TXK: variants seen among roughly 807,000 people sequenced by gnomAD.
The protein encoded by TXK is TXK tyrosine kinase, also known as tyrosine-protein kinase TXK.
TXK carries 60 observed loss-of-function variants against 81.0 expected under a neutral mutation model. The ratio of observed to expected loss-of-function variants is 0.74; its 90% confidence interval spans 0.60 to 0.92. The LOEUF (loss-of-function observed/expected upper bound fraction) is 0.92, where lower values mean the gene tolerates loss of function less well. TXK is among the 40% of genes least tolerant of loss of function. The pLI is 0.00. For missense variants in TXK, 581 were observed against 638.3 expected (o/e 0.91, Z 0.97); for synonymous variants, 203 against 210.7 (o/e 0.96, Z 0.32).
At chr4:48,103,100 C>T (rs528254616) in intron 6 of TXK, among the ~76,000 whole-genome samples, 44 of 152,214 alleles carry the variant, frequency 2.9e-4, no homozygotes, top group African/African-American at 9.6e-4. Flanking sequence ...ATCTGGGTTG[C>T]GGGCCTGTGC....
chr4:48,102,329 A>G (rs1372312772), intron 6 of TXK, among the ~76,000 whole-genome samples: 1 of 152,234 alleles, frequency 6.6e-6, no homozygotes, highest in East Asian at 1.9e-4. Context: ...ACTATAGAAA[A>G]ATGGACAAAA....
At position 48,113,295 on chromosome 4, in the gene TXK, T is replaced by C. The variant is rs768247032; in HGVS notation, c.86A>G (p.Gln29Arg). 5 of 1,608,024 alleles carry C rather than the reference T, an allele frequency of 3.1e-6. No homozygotes were observed. The highest frequency in any genetic ancestry group is 2.2e-5 in the East Asian group (1 of 44,820). Residue 29 changes from glutamine to arginine, a missense_variant, in exon 3 of 15, where the codon CAG becomes CGG. Physicochemically the swap from Gln to Arg is conservative, Grantham distance 43. Coordinates refer to ENST00000264316, the MANE Select transcript of TXK (RefSeq NM_003328.3). The stretch of plus-strand genomic sequence containing the variant: ...CTCTTCATCTGTGCTCAGGCTTATC[T>C]GTGTTCTCATTTGTCTGACATTGAA... ...CSVQKRQMRT[Q>R]ISLSTDEELP...
At chr4:48,070,345 G>C (rs1034974388) in intron 14 of TXK, among the ~76,000 whole-genome samples, 5 of 152,152 alleles carry the variant, frequency 3.3e-5, no homozygotes, top group African/African-American at 1.2e-4. Context: ...TTCCTGAGTG[G>C]AAGTTCCTGA....
At chr4:48,086,235 G>A (rs553051772) in intron 10 of TXK, among the ~76,000 whole-genome samples, 5 of 152,332 alleles carry the variant, frequency 3.3e-5, no homozygotes, top group African/African-American at 1.2e-4. Flanking sequence ...TTCACACATT[G>A]ATCCAGTGAG....
chr4:48,106,946 T>C (rs1206562513), intron 5 of TXK, among the ~76,000 whole-genome samples: 1 of 152,214 alleles, frequency 6.6e-6, no homozygotes, highest in African/African-American at 2.4e-5. Context: ...AAGAACTTGA[T>C]TTCCCACATT....
At chr4:48,127,768 C>A (rs542178452) in intron 1 of TXK, among the ~76,000 whole-genome samples, 1 of 152,320 alleles carries the variant, frequency 6.6e-6, no homozygotes, top group South Asian at 2.1e-4. Context: ...TCTCTGTGAC[C>A]TTTAGAAACC....
At chr4:48,080,207 C>T (rs1717244993) in intron 10 of TXK, 79 bp from the exon 11 acceptor site, 6 of 1,070,438 alleles carry the variant, frequency 5.6e-6, no homozygotes, top group Admixed American at 1.8e-5. Context: ...GTAGTATTTA[C>T]CATCTATTTA....
At chr4:48,097,195 T>TA (rs1467293561) in intron 6 of TXK, among the ~76,000 whole-genome samples, 1 of 151,988 alleles carries the variant, frequency 6.6e-6, no homozygotes, top group Admixed American at 6.6e-5. Flanking sequence ...AATCACTAAA[T>TA]AATGGTGAAA....
chr4:48,068,100 A>T (rs560830567), intron 14 of TXK, among the ~76,000 whole-genome samples: 10 of 152,326 alleles, frequency 6.6e-5, no homozygotes, highest in Admixed American at 5.2e-4. Flanking sequence ...ATTTAAATTT[A>T]AATTCCTTAA....
chr4:48,091,367 C>T (rs1191307691), intron 8 of TXK, among the ~76,000 whole-genome samples: 7 of 152,174 alleles, frequency 4.6e-5, no homozygotes, highest in Non-Finnish European at 1.0e-4. Flanking sequence ...AGACAAATTG[C>T]ACTGCAGAGG....
chr4:48,066,969 G>A lies in TXK; in HGVS notation c.*668C>T, dbSNP rs910875872. 3 of 152,142 alleles carry A rather than the reference G, an allele frequency of 2.0e-5. No individual in the cohort carries two copies. Among genetic ancestry groups the A allele is most frequent in the Non-Finnish European group, 2.9e-5 (2 of 68,040 alleles). 9.4% of individuals were successfully genotyped at this position (152,142 alleles called of 1,614,324 possible). The stretch of plus-strand genomic sequence containing the variant: ...ATTTTCCTGGAAATAGAATGTCACC[G>A]GGATCTGTTCAAAGGTGAGCTTTGG... On this transcript the variant is annotated 3_prime_UTR_variant, in exon 15 of 15. Transcript: ENST00000264316.
intron 1 of TXK, among the ~76,000 whole-genome samples, chr4:48,120,445 C>G (rs923673160): frequency 2.6e-5 from 4 of 151,292 alleles, no homozygotes; most frequent in Non-Finnish European, 4.4e-5. Flanking sequence ...TCTTATTTCC[C>G]TCATTGATTT....
chr4:48,071,636 G>A lies in TXK; in HGVS notation c.1396C>T (p.Pro466Ser). The A allele has an allele frequency of 7.4e-6, 12 of 1,614,046 alleles. No individual in the cohort carries two copies. Among genetic ancestry groups the A allele is most frequent in the Non-Finnish European group, 1.0e-5 (12 of 1,180,004 alleles). The change falls in exon 14 of 15, where the codon CCT (proline) becomes TCT (serine). Residue 466 changes from proline (P) to serine (S), a missense_variant. Transcript: ENST00000264316. ...MWEVFTEGKM[P>S]FENKSNLQVV... ...TGCAAATTTGACTTATTTTCAAAAG[G>A]CATTTTTCCTTCTGTAAAAACTTCC...
chr4:48,088,249 G>A lies in TXK; in HGVS notation c.784+1501C>T, dbSNP rs954975248. Among the ~76,000 whole-genome samples the A allele has an allele frequency of 3.3e-5, 5 of 152,162 alleles. No homozygotes were observed. In the South Asian group the frequency reaches 6.2e-4, roughly 19 times the overall value. ...TTTGGTATAAGCTCTTTAGAAAACT[G>A]ACTGTATCTACTACATCTAAACATA... On this transcript the variant is annotated intron_variant, in intron 9 of 14. Transcript: ENST00000264316.
At position 48,067,814 on chromosome 4, in the gene TXK, G is replaced by T. The variant is rs1339861881; in HGVS notation, c.1516-109C>A. 3 of 1,064,026 alleles carry T rather than the reference G, an allele frequency of 2.8e-6. No individual in the cohort carries two copies. In the African/African-American group the frequency reaches 4.7e-5, roughly 17 times the overall value. The allele number at this position is 1,064,026 out of a possible 1,614,324, so 65.9% of individuals were successfully genotyped here. ...AGTCACTTATATCCCACTGCTCGAG[G>T]TCATCGCCAAGGTCTGATTTTTCAC... On this transcript the variant is annotated intron_variant, in intron 14 of 14. Coordinates refer to ENST00000264316, the MANE Select transcript of TXK (RefSeq NM_003328.3).
chr4:48,086,338 C>T (rs1717528680), intron 10 of TXK, 128 bp downstream of exon 10: 5 of 870,392 alleles, frequency 5.7e-6, no homozygotes, highest in African/African-American at 3.4e-5. Context: ...AAATAATGTG[C>T]CTGGGTTACA....
At position 48,076,382 on chromosome 4, in the gene TXK, T is replaced by C; in HGVS notation, c.1238+20A>G. ...AGTAAACAAACAAACAAAATACATA[T>C]ATATATACATAGCATGTACCTTGTC... On this transcript the variant is annotated intron_variant, in intron 12 of 14. Transcript: ENST00000264316. The C allele has an allele frequency of 2.0e-6, 3 of 1,535,418 alleles. No individual in the cohort carries two copies. Among genetic ancestry groups the C allele is most frequent in the East Asian group, 4.5e-5 (2 of 44,032 alleles).
In TXK at chr4:48,067,725, G is replaced by C; in HGVS notation, c.1516-20C>G. On this transcript the variant is annotated intron_variant, in intron 14 of 14. Transcript: ENST00000264316. ...AGGTTTCTGGAAAAGGGAAGTGGGG[G>C]TGGTTAGCTCAGCTTAACCAACTTA... The C allele has an allele frequency of 6.2e-7, 1 of 1,612,308 alleles. No homozygotes were observed. Among genetic ancestry groups the C allele is most frequent in the Non-Finnish European group, 8.5e-7 (1 of 1,178,404 alleles).
At chr4:48,105,014 T>C in intron 5 of TXK, 59 bp from the exon 6 acceptor site, 1 of 1,273,002 alleles carries the variant, frequency 7.9e-7, no homozygotes, top group Non-Finnish European at 1.1e-6. Context: ...AAGAAAAAAG[T>C]GCTTCATTTT....
Sources: gnomAD v4.1 joint callset for allele counts (sites outside exome capture counted in the v4.1 genomes callset) on GRCh38, gnomAD v4.1.1 for gene constraint, MANE v1.5 for transcripts, NCBI Gene and HGNC (gene_info 2026-07-23, HGNC 2026-07-21) for gene names.